Variants in CNTNAP3 observed in about 807,000 individuals in gnomAD.
CNTNAP3 encodes contactin-associated protein-like 3.
Under a neutral mutation model 92.1 loss-of-function variants are expected in CNTNAP3, and 36 were observed. That is an observed-to-expected ratio of 0.39 (90% CI 0.30 to 0.52). CNTNAP3 has a LOEUF of 0.52. Ranked by LOEUF, CNTNAP3 falls within the 20% of genes least tolerant of loss-of-function variation. CNTNAP3 has a pLI of 0.76. For synonymous variants in CNTNAP3, 232 were observed against 422.3 expected (o/e 0.55, Z 5.53); for missense variants, 534 against 1,069.6 (o/e 0.50, Z 6.98).
rs1322493756 is a variant in CNTNAP3, at chr9:39,132,950, G to T, written c.2062C>A (p.Arg688=). 9 of 1,545,982 alleles carry T rather than the reference G, an allele frequency of 5.8e-6. No individual in the cohort carries two copies. The highest frequency in any genetic ancestry group is 1.9e-5 in the Admixed American group (1 of 51,768). ...CGCTTACCTCGTGAGTCCGGGCGCC[G>T]CGCCGTCCCGCAGCGCAGAGCCAGC... ...QRLALRCGTA[R]RPDSRDGTPL... Residue 688 remains arginine, a synonymous_variant, in exon 13 of 24, where the codon CGG becomes AGG. Transcript: ENST00000297668.
chr9:39,086,919 A>G, intron 19 of CNTNAP3, 70 bp from the exon 20 acceptor site: 1 of 848,332 alleles, frequency 1.2e-6, no homozygotes, highest in Non-Finnish European at 1.8e-6. Flanking sequence ...CAGATTCTAG[A>G]GCACTTTTAT....
Position 39,071,020 on chromosome 9 carries a change from G to A in CNTNAP3, c.*2870C>T, listed in dbSNP as rs868646608. On this transcript the variant is annotated 3_prime_UTR_variant, in exon 24 of 24. Transcript: ENST00000297668. ...GAGAAGTGCCAGGAGTTCAGTCCAC[G>A]CATGACAACTTACTAGTACTGCCTA... is the stretch of plus-strand genomic sequence containing the variant. Among the ~76,000 whole-genome samples the A allele has an allele frequency of 4.2e-4, 64 of 152,332 alleles. No homozygotes were observed. The highest frequency in any genetic ancestry group is 7.4e-4 in the Non-Finnish European group (50 of 68,004).
At position 39,079,080 on chromosome 9, in the gene CNTNAP3, T is replaced by C. The variant is rs557322417; in HGVS notation, c.3443-160A>G. Among the ~76,000 whole-genome samples the C allele has an allele frequency of 2.0e-5, 3 of 152,202 alleles. No individual in the cohort carries two copies. In the South Asian group the frequency reaches 6.2e-4, roughly 32 times the overall value. On this transcript the variant is annotated intron_variant, in intron 21 of 23. Transcript: ENST00000297668. ...CTCCAGGAGAGGTCACCGTGAATCTTTACCTGTCTGGCAACTATTTCCATT... is the reference window on the plus strand; with the variant it reads ...CTCCAGGAGAGGTCACCGTGAATCTCTACCTGTCTGGCAACTATTTCCATT...
At chr9:39,122,942 C>T (rs562450182) in intron 13 of CNTNAP3, among the ~76,000 whole-genome samples, 227 of 152,072 alleles carry the variant, frequency 1.5e-3, no homozygotes, top group Non-Finnish European at 2.9e-3. Flanking sequence ...TGTAGAGTGT[C>T]TTTGATGGCC....
At chr9:39,082,147 C>G (rs1825959881) in intron 21 of CNTNAP3, among the ~76,000 whole-genome samples, 2 of 151,242 alleles carry the variant, frequency 1.3e-5, no homozygotes, top group Non-Finnish European at 2.9e-5. Context: ...AAATTTAGTC[C>G]CTCAGTTATA....
At chr9:39,098,974 CTTTT>C (rs201666622) in intron 18 of CNTNAP3, among the ~76,000 whole-genome samples, 1 of 144,346 alleles carries the variant, frequency 6.9e-6, no homozygotes, top group African/African-American at 2.5e-5. Context: ...TTTTCCTTTT[CTTTT>C]TTTTTTTTTT....
intron 11 of CNTNAP3, among the ~76,000 whole-genome samples, chr9:39,142,222 C>A (rs1821593223): frequency 6.6e-6 from 1 of 152,062 alleles, no homozygotes; most frequent in Non-Finnish European, 1.5e-5. Flanking sequence ...ATAAATTTGC[C>A]AGGTAACACA....
rs552352434 is a variant in CNTNAP3 at position 39,092,636 on chromosome 9, G to C, written c.2996-3989C>G. Among the ~76,000 whole-genome samples the C allele has an allele frequency of 4.4e-5, 6 of 137,020 alleles. 1 individual carries two copies. Among genetic ancestry groups the C allele is most frequent in the African/African-American group, 1.6e-4 (6 of 37,508 alleles). The allele number at this position is 137,020 out of a possible 152,430, so 89.9% of individuals were successfully genotyped here. ...TGTGTTGAGGCTTGATTTACAGGTA[G>C]CATGTTGTCTAACCTAGAATATGTT... On this transcript the variant is annotated intron_variant, in intron 18 of 23. Transcript: ENST00000297668.
intron 12 of CNTNAP3, among the ~76,000 whole-genome samples, chr9:39,138,132 T>C (rs980162974): frequency 1.3e-5 from 2 of 152,036 alleles, no homozygotes; most frequent in African/African-American, 4.8e-5. Context: ...TCAGGCTATC[T>C]TCCCTCCTCA....
At chr9:39,126,911 C>T (rs1380635483) in intron 13 of CNTNAP3, among the ~76,000 whole-genome samples, 2 of 152,048 alleles carry the variant, frequency 1.3e-5, no homozygotes, top group East Asian at 1.9e-4. Context: ...CAGGATCTCA[C>T]TGAAATACAT....
intron 17 of CNTNAP3, among the ~76,000 whole-genome samples, chr9:39,101,140 C>A (rs1194088739): frequency 8.1e-4 from 121 of 148,610 alleles, no homozygotes; most frequent in Admixed American, 1.6e-3. Flanking sequence ...GTCCTCCTTT[C>A]CAGTAGTTTG....
At position 39,068,224 on chromosome 9, in the gene CNTNAP3, C is replaced by A. The variant is rs1825553770; in HGVS notation, c.*5666G>T. 6.6e-6 allele frequency among the ~76,000 whole-genome samples: 1 copy of A among 150,534 alleles called. No individual in the cohort carries two copies. The highest frequency in any genetic ancestry group is 2.1e-4 in the South Asian group (1 of 4,818). Reference sequence around the variant, plus strand: ...ACCATCCTGGCTAACACGGTGAAACCTTGCCTCCACTAAAAATACAAAAAA... The same window carrying A: ...ACCATCCTGGCTAACACGGTGAAACATTGCCTCCACTAAAAATACAAAAAA... On this transcript the variant is annotated 3_prime_UTR_variant, in exon 24 of 24. Coordinates refer to ENST00000297668, the MANE Select transcript of CNTNAP3 (RefSeq NM_033655.5).
At chr9:39,136,412 C>T (rs569921312) in intron 12 of CNTNAP3, among the ~76,000 whole-genome samples, 36 of 152,000 alleles carry the variant, frequency 2.4e-4, no homozygotes, top group Non-Finnish European at 4.4e-4. Context: ...AGAGAACTGA[C>T]CCTTTCATTT....
chr9:39,111,674 T>C (rs1758547), intron 14 of CNTNAP3, among the ~76,000 whole-genome samples: 87 of 142,610 alleles, frequency 6.1e-4, no homozygotes, highest in Non-Finnish European at 5.6e-4. Context: ...TTTAGCAAGA[T>C]AGTCTAGTAG....
rs183183578 is a variant in CNTNAP3 at position 39,252,952 on chromosome 9, A to G, written c.197-13766T>C. Among the ~76,000 whole-genome samples, 16 of 6,528 alleles carry G rather than the reference A, an allele frequency of 2.5e-3. 2 individuals are homozygous for G. In the Non-Finnish European group the frequency reaches 0.068, roughly 28 times the overall value. 4.3% of individuals were successfully genotyped at this position (6,528 alleles called of 152,430 possible). On this transcript the variant is annotated intron_variant, in intron 2 of 23. Transcript: ENST00000297668. ...TGTACTGACATATGTGTGTGTGTGTATATATATATATACACACACTCACAC... is the reference window on the plus strand; with the variant it reads ...TGTACTGACATATGTGTGTGTGTGTGTATATATATATACACACACTCACAC...
intron 9 of CNTNAP3, among the ~76,000 whole-genome samples, chr9:39,152,008 A>G (rs2118151470): frequency 6.8e-6 from 1 of 148,100 alleles, no homozygotes; most frequent in African/African-American, 2.5e-5. Context: ...AGTTTTCTTT[A>G]CAGTGTTCAC....
chr9:39,136,193 T>C (rs1821430144), intron 12 of CNTNAP3, among the ~76,000 whole-genome samples: 1 of 151,540 alleles, frequency 6.6e-6, no homozygotes, highest in Non-Finnish European at 1.5e-5. Flanking sequence ...GTACTTGAAA[T>C]AGGGATGCAT....
At chr9:39,159,037 T>A (rs1822017240) in intron 9 of CNTNAP3, 1 of 140,440 alleles carries the variant, frequency 7.1e-6, no homozygotes, top group Non-Finnish European at 1.6e-5. Context: ...ATCCATAATA[T>A]CATCTCTGAA....
At chr9:39,132,903 C>T (rs939268294) in intron 13 of CNTNAP3, 29 bp downstream of exon 13, 13 of 1,529,144 alleles carry the variant, frequency 8.5e-6, no homozygotes, top group African/African-American at 1.4e-5. Flanking sequence ...GCCCCGTGAA[C>T]CCCTGTAGCC....
Sources: allele counts gnomAD v4.1 joint callset (sites outside exome capture counted in the v4.1 genomes callset), GRCh38; gene constraint gnomAD v4.1.1; transcripts MANE v1.5; gene names NCBI Gene and HGNC (gene_info 2026-07-23, HGNC 2026-07-21).